The following PLXNA2 variants were observed in gnomAD, a reference collection of about 807,000 sequenced individuals.
The protein encoded by PLXNA2 is plexin-A2.
Under a neutral mutation model 193.5 loss-of-function variants are expected in PLXNA2, and 91 were observed. The ratio of observed to expected loss-of-function variants is 0.47; its 90% confidence interval spans 0.40 to 0.56. The LOEUF (loss-of-function observed/expected upper bound fraction) is 0.56. Among genes scored for constraint, PLXNA2 ranks in the 20% least tolerant of loss-of-function variants. The pLI is 0.00. For missense variants in PLXNA2, 1,995 were observed against 2,503.2 expected (o/e 0.80, Z 4.33); for synonymous variants, 997 against 1,027.3 (o/e 0.97, Z 0.56).
chr1:208,033,032 CTCTT>C (rs1344075953), intron 28 of PLXNA2, among the ~76,000 whole-genome samples: 1 of 149,480 alleles, frequency 6.7e-6, no homozygotes, highest in African/African-American at 2.5e-5. Context: ...CTCTCTCTCT[CTCTT>C]TTTTTTTTTC....
At position 208,217,001 on chromosome 1, in the gene PLXNA2, G is replaced by A. The variant is rs766665234; in HGVS notation, c.922C>T (p.Arg308Cys). Residue 308 changes from arginine (R) to cysteine (C), a missense_variant, in exon 2 of 32, where the codon CGC becomes TGC. Transcript: ENST00000367033. The surrounding 1 kb of genome is among the most constrained non-coding windows in gnomAD (Gnocchi z 4.7). The part of the protein sequence containing the change: ...FGCTRAGVEY[R>C]LLQAAYLAKP... ...GCCAGGTAAGCAGCCTGCAGGAGGC[G>A]GTATTCCACCCCGGCCCGGGTGCAG... The A allele has an allele frequency of 9.3e-6, 15 of 1,611,904 alleles. No individual in the cohort carries two copies. Among genetic ancestry groups the A allele is most frequent in the South Asian group, 4.4e-5 (4 of 90,950 alleles).
chr1:208,129,738 C>T (rs554565649), intron 4 of PLXNA2, among the ~76,000 whole-genome samples: 1 of 152,306 alleles, frequency 6.6e-6, no homozygotes, highest in South Asian at 2.1e-4. Flanking sequence ...AATCCCAGCA[C>T]TCTGCATACT....
At chr1:208,116,643 T>C (rs1558200476) in intron 4 of PLXNA2, among the ~76,000 whole-genome samples, 2 of 152,154 alleles carry the variant, frequency 1.3e-5, no homozygotes, top group African/African-American at 4.8e-5. Flanking sequence ...CCTCACCACA[T>C]ACTCAACTGT....
intron 3 of PLXNA2, among the ~76,000 whole-genome samples, chr1:208,186,481 GT>G (rs1670002017): frequency 6.6e-6 from 1 of 152,166 alleles, no homozygotes; most frequent in South Asian, 2.1e-4. Flanking sequence ...AGCCTTTCTT[GT>G]TTTGTATTCT....
chr1:208,229,628 G>T (rs1671623482), intron 1 of PLXNA2, among the ~76,000 whole-genome samples: 1 of 152,200 alleles, frequency 6.6e-6, no homozygotes, highest in Non-Finnish European at 1.5e-5. Context: ...AACCCACTGG[G>T]TGAGGCTAGA....
intron 12 of PLXNA2, among the ~76,000 whole-genome samples, chr1:208,064,886 G>A (rs1056455893): frequency 2.8e-5 from 4 of 144,740 alleles, no homozygotes; most frequent in Middle Eastern, 3.5e-3. Flanking sequence ...CACCAGCCCC[G>A]CCCAACACAC....
intron 4 of PLXNA2, among the ~76,000 whole-genome samples, chr1:208,116,675 C>T (rs1362031247): frequency 6.6e-6 from 1 of 152,182 alleles, no homozygotes; most frequent in Non-Finnish European, 1.5e-5. Flanking sequence ...CCCTTAACCT[C>T]CCTGGGCCTC....
chr1:208,215,693 G>C (rs1189846388), intron 2 of PLXNA2, among the ~76,000 whole-genome samples: 1 of 151,884 alleles, frequency 6.6e-6, no homozygotes, highest in Admixed American at 6.6e-5. Context: ...AGGATGGAGG[G>C]ATAGATGGAT....
intron 3 of PLXNA2, among the ~76,000 whole-genome samples, chr1:208,179,422 T>C (rs1261767108): frequency 6.6e-6 from 1 of 152,126 alleles, no homozygotes; most frequent in African/African-American, 2.4e-5. Flanking sequence ...GGCTTTTGGC[T>C]CTTTGTCCTC....
At chr1:208,049,901 G>T (rs1335505051) in intron 17 of PLXNA2, among the ~76,000 whole-genome samples, 1 of 152,136 alleles carries the variant, frequency 6.6e-6, no homozygotes, top group Admixed American at 6.5e-5. Context: ...GCCCCTGAAG[G>T]TCAAAGCAGT....
intron 3 of PLXNA2, among the ~76,000 whole-genome samples, chr1:208,184,068 G>A (rs1049696423): frequency 1.3e-5 from 2 of 152,174 alleles, no homozygotes; most frequent in Non-Finnish European, 2.9e-5. Context: ...TCTCATCACA[G>A]AATGTTATCT....
At chr1:208,160,176 T>A (rs1392175777) in intron 3 of PLXNA2, among the ~76,000 whole-genome samples, 1 of 151,946 alleles carries the variant, frequency 6.6e-6, no homozygotes, top group Admixed American at 6.6e-5. Flanking sequence ...ATAGATAGCA[T>A]GTTTTTTCTC....
chr1:208,212,919 C>A (rs766071145), intron 2 of PLXNA2, among the ~76,000 whole-genome samples: 5 of 152,190 alleles, frequency 3.3e-5, no homozygotes. Context: ...CATGTCTCAG[C>A]CTCAGTTTTC....
chr1:208,071,798 C>T (rs574249227), intron 12 of PLXNA2, among the ~76,000 whole-genome samples: 47 of 152,282 alleles, frequency 3.1e-4, no homozygotes, highest in Non-Finnish European at 5.0e-4. Flanking sequence ...ATCAGAGTGC[C>T]GGCTTGTTTC....
intron 5 of PLXNA2, among the ~76,000 whole-genome samples, chr1:208,100,471 G>T (rs1352374558): frequency 6.6e-6 from 1 of 152,100 alleles, no homozygotes; most frequent in Non-Finnish European, 1.5e-5. Context: ...CCATGACAGT[G>T]TTAGCCCTTA....
At chr1:208,208,569 G>T (rs1670815193) in intron 3 of PLXNA2, among the ~76,000 whole-genome samples, 2 of 152,226 alleles carry the variant, frequency 1.3e-5, no homozygotes. Context: ...AGTCCAAAAA[G>T]CATGACCCCT....
intron 3 of PLXNA2, among the ~76,000 whole-genome samples, chr1:208,165,149 G>A (rs1441301820): frequency 2.6e-5 from 4 of 151,826 alleles, no homozygotes; most frequent in Non-Finnish European, 4.4e-5. Flanking sequence ...CAGTCACCTG[G>A]CCTCCCTCCT....
At position 208,142,211 on chromosome 1, in the gene PLXNA2, C is replaced by A. The variant is rs565620038; in HGVS notation, c.1506+118G>T. On this transcript the variant is annotated intron_variant, in intron 4 of 31. Coordinates refer to ENST00000367033, the MANE Select transcript of PLXNA2 (RefSeq NM_025179.4). Reference sequence around the variant, plus strand: ...TACAGGCACTCTGCCTCTCTCAAGACCCCTGTGCTGCAAGCCCAGAGGTCT... The same window carrying A: ...TACAGGCACTCTGCCTCTCTCAAGAACCCTGTGCTGCAAGCCCAGAGGTCT... 81 of 1,156,118 alleles carry A rather than the reference C, an allele frequency of 7.0e-5. 1 individual carries two copies. The East Asian group carries it at 1.9e-3, about 27-fold the overall frequency. 71.6% of individuals were successfully genotyped at this position (1,156,118 alleles called of 1,614,324 possible).
At chr1:208,045,816 G>T in intron 18 of PLXNA2, 62 bp downstream of exon 18, 7 of 1,595,150 alleles carry the variant, frequency 4.4e-6, no homozygotes, top group Non-Finnish European at 6.0e-6. Flanking sequence ...CAGGCCAGGA[G>T]CGAGGGGCGC....
Sources: allele counts gnomAD v4.1 joint callset (sites outside exome capture counted in the v4.1 genomes callset), GRCh38; gene constraint gnomAD v4.1.1; non-coding constraint Gnocchi (gnomAD v3.1); transcripts MANE v1.5; gene names NCBI Gene and HGNC (gene_info 2026-07-23, HGNC 2026-07-21).